Variants in RBM19 observed in about 807,000 individuals in gnomAD.
The protein encoded by RBM19 is probable RNA-binding protein 19.
RBM19 carries 94 observed loss-of-function variants against 116.8 expected under a neutral mutation model. The ratio of observed to expected loss-of-function variants is 0.80; its 90% CI spans 0.68 to 0.95. RBM19 has a LOEUF of 0.95. Ranked by LOEUF, RBM19 falls within the 40% of genes least tolerant of loss-of-function variation. RBM19 has a pLI of 0.00. For synonymous variants in RBM19, 475 were observed against 494.1 expected (o/e 0.96, Z 0.51); for missense variants, 1,161 against 1,220.7 (o/e 0.95, Z 0.73).
downstream of RBM19, among the ~76,000 whole-genome samples, chr12:113,818,695 A>G (rs2135667664): frequency 6.6e-6 from 1 of 152,356 alleles, no homozygotes; most frequent in Non-Finnish European, 1.5e-5. Flanking sequence ...CACCCATTTG[A>G]AAGACATGGA....
chr12:113,865,369 T>C (rs950689025), intron 21 of RBM19, among the ~76,000 whole-genome samples: 6 of 152,206 alleles, frequency 3.9e-5, no homozygotes, highest in African/African-American at 1.4e-4. Context: ...CTATCTAACG[T>C]TGCCTCCTTT....
At chr12:113,933,138 AG>A (rs1170916092) in intron 16 of RBM19, among the ~76,000 whole-genome samples, 2 of 151,722 alleles carry the variant, frequency 1.3e-5, no homozygotes, top group African/African-American at 4.8e-5. Flanking sequence ...CCCTCCCTCG[AG>A]ACTGGTACAG....
intron 21 of RBM19, among the ~76,000 whole-genome samples, chr12:113,904,479 G>A (rs1019572767): frequency 2.6e-5 from 4 of 152,210 alleles, no homozygotes; most frequent in African/African-American, 9.7e-5. Flanking sequence ...CTTGGCGGGG[G>A]AATGAATGAA....
intron 16 of RBM19, among the ~76,000 whole-genome samples, chr12:113,927,820 T>A (rs977411942): frequency 2.6e-5 from 4 of 152,054 alleles, no homozygotes; most frequent in African/African-American, 9.7e-5. Flanking sequence ...AATTCAGAGT[T>A]ATGCATCACA....
intron 8 of RBM19, 81 bp from the exon 9 acceptor site, chr12:113,950,235 T>A (rs1414290087): frequency 1.7e-6 from 2 of 1,157,934 alleles, no homozygotes; most frequent in Non-Finnish European, 2.5e-6. Context: ...ACCCATACTG[T>A]GCTAGGAGCA....
rs1160276103 is a variant in RBM19, at chr12:113,825,279, A to G, written c.2786-1958T>C. ...CACCTGCCTGCCACCTGAGAGCCTC[A>G]AGGCCTTGCAGCTCTACCCATCATT... On this transcript the variant is annotated intron_variant, in intron 23 of 23. Transcript: ENST00000261741. This position sits in a 1 kb window ranked among gnomAD's most constrained non-coding sequence, Gnocchi z 5.7. 6.6e-6 allele frequency among the ~76,000 whole-genome samples: 1 copy of G among 151,990 alleles called. No individual in the cohort carries two copies. Among genetic ancestry groups the G allele is most frequent in the Non-Finnish European group, 1.5e-5 (1 of 67,970 alleles).
chr12:113,831,264 C>G (rs1485055202), intron 23 of RBM19, among the ~76,000 whole-genome samples: 1 of 152,178 alleles, frequency 6.6e-6, no homozygotes, highest in Non-Finnish European at 1.5e-5. Flanking sequence ...CTGCTCTTTT[C>G]TCTCTCTCCT....
chr12:113,852,190 T>C (rs908173195), intron 22 of RBM19, among the ~76,000 whole-genome samples: 3 of 152,190 alleles, frequency 2.0e-5, no homozygotes, highest in African/African-American at 7.2e-5. Context: ...TCCTTCTCAC[T>C]CTGATCTCTG....
At chr12:113,824,322 C>T (rs950877784) in intron 23 of RBM19, among the ~76,000 whole-genome samples, 5 of 152,304 alleles carry the variant, frequency 3.3e-5, no homozygotes, top group East Asian at 1.9e-4. Flanking sequence ...ATGAAAGTCT[C>T]GGGTTCTAGG....
chr12:113,959,537 T>C, intron 4 of RBM19, 133 bp from the exon 5 acceptor site: 1 of 1,072,436 alleles, frequency 9.3e-7, no homozygotes, highest in East Asian at 2.5e-5. Context: ...TTTCCCCCAT[T>C]CTCTGGAGGA....
chr12:113,929,899 GA>G lies in RBM19; in HGVS notation c.2069-2671del, dbSNP rs539572130. ...GGTGAGACAGGTTCATGGAAGACTG[GA>G]AAAAAATTTTATAGAGAAAAGCATA... On this transcript the variant is annotated intron_variant, in intron 16 of 23. Coordinates refer to ENST00000261741, the MANE Select transcript of RBM19 (RefSeq NM_016196.4). 4.6e-5 allele frequency among the ~76,000 whole-genome samples: 7 copies of G among 152,238 alleles called. No homozygotes were observed. The East Asian group carries it at 1.4e-3, about 29-fold the overall frequency.
chr12:113,939,593 T>C (rs945156965), intron 15 of RBM19, among the ~76,000 whole-genome samples: 3 of 151,322 alleles, frequency 2.0e-5, no homozygotes, highest in African/African-American at 7.3e-5. Context: ...ACCAAAAATA[T>C]AAAAAAATTA....
intron 15 of RBM19, chr12:113,937,398 C>T (rs1870165315): frequency 6.2e-6 from 2 of 322,050 alleles, no homozygotes; most frequent in Non-Finnish European, 1.1e-5. Flanking sequence ...TCCCAGGCCC[C>T]CTTTGTGTTT....
intron 21 of RBM19, among the ~76,000 whole-genome samples, chr12:113,876,991 AG>A (rs1014339750): frequency 6.6e-6 from 1 of 152,154 alleles, no homozygotes; most frequent in African/African-American, 2.4e-5. Flanking sequence ...ACATGAGGAA[AG>A]GGAAGGTGCT....
In RBM19 at chr12:113,948,831, A is replaced by G; in HGVS notation, c.1276+2T>C. On this transcript the variant is annotated splice_donor_variant, in intron 10 of 23. Transcript: ENST00000261741. LOFTEE classifies it high-confidence loss of function. ...TCCACGGCCCGGAGGCCACACCCCT[A>G]CCATATTTGGAGAAGAGCTTCTCCA... The G allele has an allele frequency of 6.2e-7, 1 of 1,614,030 alleles. No individual in the cohort carries two copies.
intron 23 of RBM19, among the ~76,000 whole-genome samples, chr12:113,831,039 T>C (rs1312758454): frequency 6.6e-6 from 1 of 152,150 alleles, no homozygotes; most frequent in African/African-American, 2.4e-5. Flanking sequence ...AGCCCAGCCT[T>C]CGTATAAACG....
At chr12:113,906,654 C>G (rs189928486) in intron 21 of RBM19, among the ~76,000 whole-genome samples, 1 of 152,160 alleles carries the variant, frequency 6.6e-6, no homozygotes, top group African/African-American at 2.4e-5. Context: ...CTCGTCGGGG[C>G]TCGGCATTTA....
chr12:113,960,319 C>T lies in RBM19; in HGVS notation c.220-141G>A. On this transcript the variant is annotated intron_variant, in intron 2 of 23. Coordinates refer to ENST00000261741, the MANE Select transcript of RBM19 (RefSeq NM_016196.4). The stretch of plus-strand genomic sequence containing the variant: ...TGCTGAAGTAGATTACACGTCACCC[C>T]TTAGCCTGGGCTTTCTTTCCCTTCA... 4.6e-6 allele frequency: 5 copies of T among 1,076,628 alleles called. No individual in the cohort carries two copies. The East Asian group carries it at 7.8e-5, about 17-fold the overall frequency. The allele number at this position is 1,076,628 out of a possible 1,614,324, so 66.7% of individuals were successfully genotyped here.
chr12:113,915,473 C>A (rs537609517), intron 20 of RBM19, among the ~76,000 whole-genome samples: 1 of 152,272 alleles, frequency 6.6e-6, no homozygotes, highest in African/African-American at 2.4e-5. Flanking sequence ...CATCAATAAC[C>A]CGAGGAGGAA....
Sources: allele counts gnomAD v4.1 joint callset (sites outside exome capture counted in the v4.1 genomes callset), GRCh38; gene constraint gnomAD v4.1.1; non-coding constraint Gnocchi (gnomAD v3.1); transcripts MANE v1.5; gene names NCBI Gene and HGNC (gene_info 2026-07-23, HGNC 2026-07-21).